Variants in AKAP6 observed in about 807,000 individuals in gnomAD.
AKAP6 encodes A-kinase anchor protein 6.
Under a neutral mutation model 188.5 loss-of-function variants are expected in AKAP6, and 58 were observed. The observed-to-expected ratio is 0.31, with a 90% CI of 0.25 to 0.38. The LOEUF is 0.38. Among genes scored for constraint, AKAP6 ranks in the 10% least tolerant of loss-of-function variants. The pLI, the probability that AKAP6 is intolerant of heterozygous loss-of-function variation, is 1.00. For synonymous variants in AKAP6, 989 were observed against 998.6 expected (o/e 0.99, Z 0.18); for missense variants, 2,710 against 2,740.0 (o/e 0.99, Z 0.24).
intron 4 of AKAP6, among the ~76,000 whole-genome samples, chr14:32,559,163 G>A (rs1015994268): frequency 1.3e-5 from 2 of 152,200 alleles, no homozygotes; most frequent in Non-Finnish European, 2.9e-5. Flanking sequence ...GTATCATTGA[G>A]TTTGAACTTT....
chr14:32,402,267 C>A (rs902306066), intron 1 of AKAP6: 1 of 152,204 alleles, frequency 6.6e-6, no homozygotes, highest in South Asian at 2.1e-4. Context: ...GATATCTTTT[C>A]AGCAGATAGC....
chr14:32,836,062 GT>G lies in AKAP6; in HGVS notation c.*6258del, dbSNP rs2034872039. 1 of 152,236 alleles carries G rather than the reference GT, an allele frequency of 6.6e-6. No individual in the cohort carries two copies. The highest frequency in any genetic ancestry group is 2.1e-4 in the South Asian group (1 of 4,834). The allele number at this position is 152,236 out of a possible 1,614,324, so 9.4% of individuals were successfully genotyped here. A position where few individuals can be genotyped will look rare whatever the true frequency, so the allele number is the denominator to read the frequency against. On this transcript the variant is annotated 3_prime_UTR_variant, in exon 14 of 14. Coordinates refer to ENST00000280979, the MANE Select transcript of AKAP6 (RefSeq NM_004274.5). ...AGCAGAAATTACGCAGAGCTTATTT[GT>G]CCTTGCATTTTGAAGTAAATCATTG... is the stretch of plus-strand genomic sequence containing the variant.
At chr14:32,591,165 G>T (rs1336790134) in intron 5 of AKAP6, among the ~76,000 whole-genome samples, 2 of 152,106 alleles carry the variant, frequency 1.3e-5, no homozygotes, top group South Asian at 2.1e-4. Context: ...TCCACCTCAG[G>T]GGGTAGAGAA....
chr14:32,665,942 T>G (rs1364237002), intron 7 of AKAP6, among the ~76,000 whole-genome samples: 1 of 152,122 alleles, frequency 6.6e-6, no homozygotes, highest in Non-Finnish European at 1.5e-5. Context: ...GTGGGGAGCC[T>G]TTGTGTGGAG....
intron 1 of AKAP6, among the ~76,000 whole-genome samples, chr14:32,378,042 G>T (rs1035497204): frequency 6.6e-6 from 1 of 152,096 alleles, no homozygotes; most frequent in African/African-American, 2.4e-5. Context: ...AGAGAGTCTT[G>T]AGAATCAGAT....
chr14:32,564,998 T>G (rs759265094), intron 4 of AKAP6, among the ~76,000 whole-genome samples: 2 of 152,194 alleles, frequency 1.3e-5, no homozygotes, highest in Non-Finnish European at 2.9e-5. Flanking sequence ...GTCAGAATCA[T>G]TGAGATAGAC....
At chr14:32,781,777 T>C (rs2033258296) in intron 12 of AKAP6, among the ~76,000 whole-genome samples, 1 of 152,154 alleles carries the variant, frequency 6.6e-6, no homozygotes, top group East Asian at 1.9e-4. Flanking sequence ...TTCATCGTAT[T>C]TGCACACTCA....
intron 12 of AKAP6, among the ~76,000 whole-genome samples, chr14:32,816,001 A>G (rs537118938): frequency 2.0e-5 from 3 of 152,324 alleles, no homozygotes; most frequent in African/African-American, 4.8e-5. Flanking sequence ...CTCCAGTTGC[A>G]AAATGGCTGA....
chr14:32,594,830 C>G (rs1885627838), intron 5 of AKAP6, among the ~76,000 whole-genome samples: 1 of 152,160 alleles, frequency 6.6e-6, no homozygotes, highest in African/African-American at 2.4e-5. Flanking sequence ...CGTCAAGTGT[C>G]TTATTCATCA....
At chr14:32,516,697 G>A (rs114051753) in intron 2 of AKAP6, among the ~76,000 whole-genome samples, 2,920 of 152,222 alleles carry the variant, frequency 0.019, 90 homozygotes, top group African/African-American at 0.066. Flanking sequence ...AAGATATTAG[G>A]TAAAAACCCT....
chr14:32,512,775 T>C (rs544718336), intron 2 of AKAP6, among the ~76,000 whole-genome samples: 3 of 152,150 alleles, frequency 2.0e-5, no homozygotes, highest in Non-Finnish European at 4.4e-5. Flanking sequence ...AATACCAAAA[T>C]AGATTTTCAT....
At chr14:32,723,466 C>T (rs2030662924) in intron 9 of AKAP6, among the ~76,000 whole-genome samples, 1 of 151,816 alleles carries the variant, frequency 6.6e-6, no homozygotes, top group African/African-American at 2.4e-5. Flanking sequence ...TATCCAGAGA[C>T]ATAGTTTGAT....
chr14:32,659,442 C>T (rs10135562), intron 7 of AKAP6, among the ~76,000 whole-genome samples: 22,647 of 152,012 alleles, frequency 0.15, 1,888 homozygotes, highest in Admixed American at 0.2. Context: ...ACAAGCTGTC[C>T]ATCTAAGAGA....
At chr14:32,559,649 T>C (rs1883847220) in intron 4 of AKAP6, among the ~76,000 whole-genome samples, 1 of 152,100 alleles carries the variant, frequency 6.6e-6, no homozygotes, top group Non-Finnish European at 1.5e-5. Flanking sequence ...ACTGGGAAGC[T>C]TTAAAAAAAT....
chr14:32,552,571 A>G (rs1744175539), intron 4 of AKAP6, among the ~76,000 whole-genome samples: 1 of 152,218 alleles, frequency 6.6e-6, no homozygotes, highest in South Asian at 2.1e-4. Context: ...TGTTTGAAAT[A>G]ATTAATGAAG....
At chr14:32,786,313 T>TTTTTTTTTTTTTG (rs2033414259) in intron 12 of AKAP6, among the ~76,000 whole-genome samples, 2 of 99,860 alleles carry the variant, frequency 2.0e-5, no homozygotes, top group African/African-American at 3.6e-5. Flanking sequence ...TTTTTTTTTT[T>TTTTTTTTTTTTTG]TTTTTTTTTT....
intron 2 of AKAP6, among the ~76,000 whole-genome samples, chr14:32,489,025 C>T (rs959352756): frequency 5.3e-5 from 8 of 152,130 alleles, no homozygotes; most frequent in Non-Finnish European, 7.3e-5. Context: ...ATTTTGTAAT[C>T]AGCTTGTCTA....
In AKAP6 at chr14:32,605,739, T is replaced by A. The variant is rs187843124; in HGVS notation, c.2730+4947T>A. On this transcript the variant is annotated intron_variant, in intron 7 of 13. Transcript: ENST00000280979. ...CCTTGCACAGGTCATGTACAAATTG[T>A]GCCATGAAATGCATCTCCAAGCACA... Among the ~76,000 whole-genome samples, 4 of 152,298 alleles carry A rather than the reference T, an allele frequency of 2.6e-5. No homozygotes were observed. The East Asian group carries it at 5.8e-4, about 22-fold the overall frequency.
At chr14:32,470,073 G>A (rs1878687905) in intron 2 of AKAP6, among the ~76,000 whole-genome samples, 1 of 152,094 alleles carries the variant, frequency 6.6e-6, no homozygotes, top group Non-Finnish European at 1.5e-5. Flanking sequence ...TCCAGGGTTA[G>A]CACTTACATA....
Sources: allele counts gnomAD v4.1 joint callset (sites outside exome capture counted in the v4.1 genomes callset), GRCh38; gene constraint gnomAD v4.1.1; transcripts MANE v1.5; gene names NCBI Gene and HGNC (gene_info 2026-07-23, HGNC 2026-07-21).